The following TXNDC16 variants were observed in gnomAD, a reference collection of about 807,000 sequenced individuals.
TXNDC16 encodes the protein thioredoxin domain containing 16.
In TXNDC16, 74 loss-of-function variants were observed where a neutral mutation model predicts 85.6. That is an observed-to-expected ratio of 0.86 (90% CI 0.72 to 1.05). TXNDC16 has a LOEUF of 1.05. Ranked by LOEUF, TXNDC16 falls within the 50% of genes least tolerant of loss-of-function variation. The probability of loss-of-function intolerance (pLI) is 0.00; values close to 1 mark genes in which losing one functional copy is unlikely to be tolerated. For synonymous variants in TXNDC16, 335 were observed against 326.5 expected, an observed-to-expected ratio of 1.03 and a Z score of -0.28; for missense variants, 959 against 947.0, an observed-to-expected ratio of 1.01 and a Z score of -0.17.
rs149795578 is a variant in TXNDC16 at position 52,541,980 on chromosome 14, C to T, written c.243+391G>A. On this transcript the variant is annotated intron_variant, in intron 4 of 20. Transcript: ENST00000281741. Reference sequence around the variant, plus strand: ...CAGAAAAAAATTATTTGTTTACCTCCATTTTGTTACTTCAGTTTGTGCTAA... The same window carrying T: ...CAGAAAAAAATTATTTGTTTACCTCTATTTTGTTACTTCAGTTTGTGCTAA... 7.2e-5 allele frequency among the ~76,000 whole-genome samples: 11 copies of T among 152,226 alleles called. No individual in the cohort carries two copies. In the East Asian group the frequency reaches 2.1e-3, roughly 29 times the overall value.
At chr14:52,496,151 C>T (rs1478084599) in intron 9 of TXNDC16, among the ~76,000 whole-genome samples, 1 of 149,682 alleles carries the variant, frequency 6.7e-6, no homozygotes, top group African/African-American at 2.5e-5. Flanking sequence ...CAGCACGAGA[C>T]TCCATCTCAA....
At chr14:52,496,159 C>CAA (rs777475456) in intron 9 of TXNDC16, among the ~76,000 whole-genome samples, 4 of 108,420 alleles carry the variant, frequency 3.7e-5, no homozygotes, top group Non-Finnish European at 5.8e-5. Flanking sequence ...GACTCCATCT[C>CAA]AAAAAAAAAA....
chr14:52,552,344 G>C lies in TXNDC16; in HGVS notation c.-210C>G, dbSNP rs2038074963. 1 of 152,378 alleles carries C rather than the reference G, an allele frequency of 6.6e-6. No individual in the cohort carries two copies. The highest frequency in any genetic ancestry group is 2.1e-4 in the South Asian group (1 of 4,836). 9.4% of individuals were successfully genotyped at this position (152,378 alleles called of 1,614,324 possible). A position where few individuals can be genotyped will look rare whatever the true frequency, so the allele number is the denominator to read the frequency against. On this transcript the variant is annotated 5_prime_UTR_variant, in exon 1 of 21. Transcript: ENST00000281741. ...CCCGGGACCTGCGGGCGGGGACCTGGGCCGTTCCCGAGGCCGCGCGGCCAA... is the reference window on the plus strand; with the variant it reads ...CCCGGGACCTGCGGGCGGGGACCTGCGCCGTTCCCGAGGCCGCGCGGCCAA...
intron 18 of TXNDC16, among the ~76,000 whole-genome samples, chr14:52,453,375 G>C (rs1391851096): frequency 6.6e-6 from 1 of 152,108 alleles, no homozygotes; most frequent in Non-Finnish European, 1.5e-5. Flanking sequence ...ATCTGCACTC[G>C]CAGATTTATT....
intron 7 of TXNDC16, among the ~76,000 whole-genome samples, chr14:52,518,438 A>C (rs74050262): frequency 0.097 from 14,712 of 152,206 alleles, 830 homozygotes; most frequent in East Asian, 0.18. Flanking sequence ...AGCAAATTCA[A>C]CTTTCAAGTA....
intron 16 of TXNDC16, among the ~76,000 whole-genome samples, chr14:52,469,295 C>T (rs1008849626): frequency 2.6e-4 from 39 of 150,454 alleles, no homozygotes; most frequent in African/African-American, 9.5e-4. Flanking sequence ...TGCAGTGAGC[C>T]GAGATCATGC....
In TXNDC16 at chr14:52,455,655, C is replaced by A. The variant is rs574567868; in HGVS notation, c.1704-193G>T. Among the ~76,000 whole-genome samples the A allele has an allele frequency of 2.0e-5, 3 of 152,198 alleles. No homozygotes were observed. The East Asian group carries it at 5.8e-4, about 29-fold the overall frequency. The stretch of plus-strand genomic sequence containing the variant: ...TTAAAAGAAAGAAACAGGTAATGAT[C>A]TATAACAAACTAGATTTTTAAAAAG... On this transcript the variant is annotated intron_variant, in intron 17 of 20. Transcript: ENST00000281741.
intron 5 of TXNDC16, 34 bp downstream of exon 5, chr14:52,537,565 G>A: frequency 7.2e-7 from 1 of 1,393,610 alleles, no homozygotes; most frequent in Non-Finnish European, 1.0e-6. Context: ...GTATAGCTTT[G>A]TATTTGTCCA....
chr14:52,493,704 A>C (rs7155960), intron 9 of TXNDC16, among the ~76,000 whole-genome samples: 38,874 of 152,022 alleles, frequency 0.26, 5,089 homozygotes, highest in East Asian at 0.38. Context: ...AGATTGAAAG[A>C]GCCCACTGAA....
intron 4 of TXNDC16, 93 bp from the exon 5 acceptor site, chr14:52,537,765 T>C (rs1396654541): frequency 8.3e-6 from 6 of 722,946 alleles, no homozygotes; most frequent in African/African-American, 7.2e-5. Flanking sequence ...TATTACAGTT[T>C]GTTGCAGGTC....
At chr14:52,478,164 G>A (rs2036060575) in intron 14 of TXNDC16, among the ~76,000 whole-genome samples, 1 of 152,020 alleles carries the variant, frequency 6.6e-6, no homozygotes, top group African/African-American at 2.4e-5. Flanking sequence ...CAAAACCTCT[G>A]GAATATAGCA....
Position 52,480,164 on chromosome 14 carries a change from G to A in TXNDC16, c.1312+2066C>T, listed in dbSNP as rs1381748937. Among the ~76,000 whole-genome samples the A allele has an allele frequency of 2.6e-5, 4 of 152,204 alleles. No individual in the cohort carries two copies. The East Asian group carries it at 7.7e-4, about 29-fold the overall frequency. ...CTCACCTTATACAAAATCAACTCAA[G>A]ATGGAGCAAAGACTTAAATCTAAGA... is the stretch of plus-strand genomic sequence containing the variant. On this transcript the variant is annotated intron_variant, in intron 14 of 20. Transcript: ENST00000281741.
chr14:52,538,678 G>T (rs2037759564), intron 4 of TXNDC16, among the ~76,000 whole-genome samples: 1 of 152,122 alleles, frequency 6.6e-6, no homozygotes, highest in Admixed American at 6.6e-5. Context: ...TCTAGATGGG[G>T]CAAATGGAGA....
intron 14 of TXNDC16, among the ~76,000 whole-genome samples, chr14:52,470,942 C>T (rs1387016923): frequency 1.3e-5 from 2 of 152,054 alleles, no homozygotes; most frequent in Admixed American, 6.6e-5. Context: ...CTTAAGCTGC[C>T]TTCTCTTGTT....
chr14:52,451,721 T>C (rs1254304836), intron 18 of TXNDC16, among the ~76,000 whole-genome samples: 1 of 152,056 alleles, frequency 6.6e-6, no homozygotes, highest in East Asian at 1.9e-4. Context: ...ATATATGCCA[T>C]AGCCACAGCT....
chr14:52,459,840 G>A (rs774807675), intron 16 of TXNDC16, among the ~76,000 whole-genome samples: 2 of 152,148 alleles, frequency 1.3e-5, no homozygotes, highest in Non-Finnish European at 2.9e-5. Flanking sequence ...AGTAGATGTA[G>A]AAAAGGCCTT....
At chr14:52,436,080 AGTGCAGTAC>A (rs1233982297) in intron 20 of TXNDC16, among the ~76,000 whole-genome samples, 2 of 152,204 alleles carry the variant, frequency 1.3e-5, no homozygotes, top group South Asian at 4.1e-4. Context: ...TAATCAAGAC[AGTGCAGTAC>A]TAGCATAAAG....
At chr14:52,487,899 A>G (rs926883229) in intron 12 of TXNDC16, among the ~76,000 whole-genome samples, 7 of 152,252 alleles carry the variant, frequency 4.6e-5, no homozygotes, top group Non-Finnish European at 1.0e-4. Context: ...AAACTGAAAT[A>G]ACTGTTTAAA....
chr14:52,433,082 A>G (rs2034944001), intron 20 of TXNDC16, among the ~76,000 whole-genome samples: 1 of 152,178 alleles, frequency 6.6e-6, no homozygotes, highest in African/African-American at 2.4e-5. Context: ...TATATTTTAA[A>G]GCATTTTCTG....
Sources: allele counts gnomAD v4.1 joint callset (sites outside exome capture counted in the v4.1 genomes callset), GRCh38; gene constraint gnomAD v4.1.1; transcripts MANE v1.5; gene names NCBI Gene and HGNC (gene_info 2026-07-23, HGNC 2026-07-21).